TTC34: variants seen among roughly 807,000 people sequenced by gnomAD.
TTC34 encodes tetratricopeptide repeat domain 34.
In TTC34, 44 loss-of-function variants were observed where a neutral mutation model predicts 40.7. The observed-to-expected ratio is 1.08, with a 90% CI of 0.85 to 1.39. TTC34 has a LOEUF of 1.39. Among genes scored for constraint, TTC34 ranks in the 40% most tolerant of loss-of-function variants. The pLI, the probability that TTC34 is intolerant of heterozygous loss-of-function variation, is 0.00. For synonymous variants in TTC34, 422 were observed against 398.6 expected (o/e 1.06, Z -0.70); for missense variants, 884 against 838.0 (o/e 1.05, Z -0.68).
chr1:2,685,172 T>C (rs1257294984), intron 6 of TTC34, among the ~76,000 whole-genome samples: 3 of 141,032 alleles, frequency 2.1e-5, no homozygotes, highest in Non-Finnish European at 4.5e-5. Flanking sequence ...CACGTGAGCA[T>C]CTGACTGCCT....
At chr1:2,768,519 G>T (rs967967654) in intron 6 of TTC34, among the ~76,000 whole-genome samples, 1 of 151,706 alleles carries the variant, frequency 6.6e-6, no homozygotes. Context: ...GTGTCTGACA[G>T]CCTGGAACAG....
intron 6 of TTC34, among the ~76,000 whole-genome samples, chr1:2,653,308 G>A (rs878868137): frequency 7.0e-6 from 1 of 142,254 alleles, no homozygotes; most frequent in African/African-American, 2.6e-5. Context: ...GCATCTGACA[G>A]CCTGGAACAG....
At chr1:2,777,458 C>T (rs748199211) in intron 6 of TTC34, among the ~76,000 whole-genome samples, 5 of 152,208 alleles carry the variant, frequency 3.3e-5, no homozygotes, top group South Asian at 4.1e-4. Context: ...TCCTGCCCCC[C>T]GGTTAGTGTC....
At chr1:2,749,977 A>G (rs1313438065) in intron 6 of TTC34, among the ~76,000 whole-genome samples, 2 of 70,606 alleles carry the variant, frequency 2.8e-5, no homozygotes, top group Non-Finnish European at 4.9e-5. Flanking sequence ...CCAGGTGAGC[A>G]TTGGACACCC....
chr1:2,657,658 C>A (rs1570766638), intron 6 of TTC34, among the ~76,000 whole-genome samples: 6 of 90,646 alleles, frequency 6.6e-5, no homozygotes, highest in African/African-American at 2.0e-4. Context: ...GCAGCACCCA[C>A]ACCCCCAGGA....
chr1:2,657,155 C>T (rs1324052395), intron 6 of TTC34, among the ~76,000 whole-genome samples: 6 of 96,852 alleles, frequency 6.2e-5, no homozygotes, highest in Admixed American at 3.0e-4. Flanking sequence ...AGGTGAGCAT[C>T]CGACAGCCTG....
chr1:2,660,827 C>A (rs1639525633), intron 6 of TTC34, among the ~76,000 whole-genome samples: 1 of 62,238 alleles, frequency 1.6e-5, no homozygotes, highest in African/African-American at 7.0e-5. Context: ...GAACAGCACC[C>A]ACATCCCCAG....
Position 2,796,069 on chromosome 1 carries a change from C to T in TTC34, c.784+3975G>A, listed in dbSNP as rs542244427. On this transcript the variant is annotated intron_variant, in intron 2 of 8. Transcript: ENST00000401095. This position sits in a 1 kb window ranked among gnomAD's most constrained non-coding sequence, Gnocchi z 4.5. ...AAGTTCAGCCCCTTTCGCCTCTTTG[C>T]TCTTCTGTCTTGTGCCAAGTGAGGA... Among the ~76,000 whole-genome samples, 1 of 152,318 alleles carries T rather than the reference C, an allele frequency of 6.6e-6. No individual in the cohort carries two copies. The highest frequency in any genetic ancestry group is 2.4e-5 in the African/African-American group (1 of 41,578).
At chr1:2,683,123 A>C (rs1272853754) in intron 6 of TTC34, among the ~76,000 whole-genome samples, 1 of 137,936 alleles carries the variant, frequency 7.2e-6, no homozygotes, top group Non-Finnish European at 1.6e-5. Context: ...CCAGGTGAGC[A>C]TTTGACAGCC....
chr1:2,790,615 A>G (rs2100631168), intron 2 of TTC34, among the ~76,000 whole-genome samples: 1 of 152,324 alleles, frequency 6.6e-6, no homozygotes, highest in East Asian at 1.9e-4. Flanking sequence ...TGCCAGCGAC[A>G]CTGTGCTCTC....
intron 6 of TTC34, among the ~76,000 whole-genome samples, chr1:2,656,214 A>ACACCC (rs1321618718): frequency 3.2e-4 from 47 of 148,774 alleles, no homozygotes; most frequent in Non-Finnish European, 4.7e-4. Flanking sequence ...AGCACCCTGC[A>ACACCC]CACCCAGGTG....
intron 2 of TTC34, among the ~76,000 whole-genome samples, chr1:2,794,634 A>T (rs1296955525): frequency 6.6e-6 from 1 of 152,220 alleles, no homozygotes. Context: ...GATCTCTAGC[A>T]CAATGATGAG....
intron 2 of TTC34, among the ~76,000 whole-genome samples, chr1:2,798,582 CT>C: frequency 8.9e-6 from 1 of 112,168 alleles, no homozygotes. Context: ...AGCCCCTCAG[CT>C]CCCCAGCCCC....
chr1:2,761,103 T>C (rs1451750043), intron 6 of TTC34, among the ~76,000 whole-genome samples: 1 of 49,318 alleles, frequency 2.0e-5, no homozygotes. Flanking sequence ...GCATCGGACA[T>C]CCTGGAGCAT....
chr1:2,784,971 A>ACTCTGGGCCACTCTGGGCCG (rs1553170487), intron 5 of TTC34, among the ~76,000 whole-genome samples: 1,724 of 49,742 alleles, frequency 0.035, 15 homozygotes, highest in African/African-American at 0.12. Context: ...GCTCTGGGCC[A>ACTCTGGGCCACTCTGGGCCG]CTCTGGGCCG....
chr1:2,648,531 C>T (rs1639063998), intron 6 of TTC34, among the ~76,000 whole-genome samples: 1 of 152,080 alleles, frequency 6.6e-6, no homozygotes, highest in Non-Finnish European at 1.5e-5. Flanking sequence ...GAAACATTTG[C>T]TCATGCATTA....
chr1:2,751,435 C>A lies in TTC34; in HGVS notation c.2226+32174G>T, dbSNP rs1160117825. ...CAGGTGGGCATCTGACAGCCTGGAA[C>A]AGAGCCCAGACCCCCAGGTGAGCAT... On this transcript the variant is annotated intron_variant, in intron 6 of 8. Coordinates refer to ENST00000401095, the Ensembl canonical transcript of TTC34. Among the ~76,000 whole-genome samples, 3 of 106,898 alleles carry A rather than the reference C, an allele frequency of 2.8e-5. 1 individual carries two copies. The highest frequency in any genetic ancestry group is 6.4e-4 in the East Asian group (2 of 3,126). The allele number at this position is 106,898 out of a possible 152,430, so 70.1% of individuals were successfully genotyped here.
intron 6 of TTC34, among the ~76,000 whole-genome samples, chr1:2,686,373 A>G (rs1260689577): frequency 2.6e-3 from 340 of 131,990 alleles, no homozygotes; most frequent in South Asian, 6.8e-3. Flanking sequence ...CCAGGTGCGC[A>G]TGTGATGGTC....
intron 6 of TTC34, among the ~76,000 whole-genome samples, chr1:2,700,157 G>T (rs894257126): frequency 9.5e-6 from 1 of 105,604 alleles, no homozygotes; most frequent in African/African-American, 2.9e-5. Flanking sequence ...GGACATCCTG[G>T]AGCATCACAT....
Sources: gnomAD v4.1 joint callset for allele counts (sites outside exome capture counted in the v4.1 genomes callset) on GRCh38, gnomAD v4.1.1 for gene constraint, Gnocchi (gnomAD v3.1) non-coding constraint, MANE v1.5 for transcripts, NCBI Gene and HGNC (gene_info 2026-07-23, HGNC 2026-07-21) for gene names.